Variants in CNTN5 observed in about 807,000 individuals in gnomAD.
The protein encoded by CNTN5 is contactin-5.
In CNTN5, 77 loss-of-function variants were observed where a neutral mutation model predicts 129.1. The observed-to-expected ratio is 0.60, with a 90% CI of 0.50 to 0.72. The LOEUF is 0.72. Ranked by LOEUF, CNTN5 falls within the 30% of genes least tolerant of loss-of-function variation. The probability of loss-of-function intolerance (pLI) is 0.00; values close to 1 mark genes in which losing one functional copy is unlikely to be tolerated. For synonymous variants in CNTN5, 509 were observed against 465.6 expected (o/e 1.09, Z -1.20); for missense variants, 1,478 against 1,328.8 (o/e 1.11, Z -1.75).
At chr11:99,432,398 G>T (rs929232423) in intron 2 of CNTN5, among the ~76,000 whole-genome samples, 1 of 150,358 alleles carries the variant, frequency 6.7e-6, no homozygotes, top group Non-Finnish European at 1.5e-5. Flanking sequence ...GATTTAACCA[G>T]AGTTGGGGCT....
chr11:99,384,222 G>A (rs755511222), intron 2 of CNTN5, among the ~76,000 whole-genome samples: 2 of 152,170 alleles, frequency 1.3e-5, no homozygotes, highest in Non-Finnish European at 2.9e-5. Flanking sequence ...TTGTACGGCC[G>A]TAAAGCTGTG....
intron 1 of CNTN5, among the ~76,000 whole-genome samples, chr11:99,102,816 G>A (rs574439546): frequency 6.6e-6 from 1 of 152,208 alleles, no homozygotes; most frequent in African/African-American, 2.4e-5. Context: ...CAGTTCCAAA[G>A]TTGCTTCTAC....
intron 24 of CNTN5, among the ~76,000 whole-genome samples, chr11:100,351,383 G>A (rs1020718932): frequency 1.5e-4 from 22 of 150,930 alleles, no homozygotes; most frequent in Admixed American, 6.0e-4. Context: ...TATATGTCAG[G>A]CATGGTCAAA....
intron 20 of CNTN5, among the ~76,000 whole-genome samples, chr11:100,300,108 G>T (rs571796609): frequency 6.6e-6 from 1 of 151,570 alleles, no homozygotes; most frequent in Admixed American, 6.6e-5. Flanking sequence ...TAGGTAGGCA[G>T]TACCGAGTAG....
At chr11:99,291,992 G>A (rs1385337909) in intron 1 of CNTN5, among the ~76,000 whole-genome samples, 1 of 152,020 alleles carries the variant, frequency 6.6e-6, no homozygotes, top group Non-Finnish European at 1.5e-5. Flanking sequence ...AATATTTGAT[G>A]TAACAAAGTT....
intron 3 of CNTN5, among the ~76,000 whole-genome samples, chr11:99,709,927 T>C (rs1385056335): frequency 6.6e-6 from 1 of 151,914 alleles, no homozygotes; most frequent in Non-Finnish European, 1.5e-5. Flanking sequence ...TTATTTGGTG[T>C]TTGAGTTTAT....
intron 7 of CNTN5, among the ~76,000 whole-genome samples, chr11:99,926,144 C>T (rs898411605): frequency 6.6e-6 from 1 of 152,130 alleles, no homozygotes; most frequent in African/African-American, 2.4e-5. Flanking sequence ...TCTTGATAAT[C>T]TGTCTTCAAA....
At chr11:99,290,598 A>G (rs1382630794) in intron 1 of CNTN5, among the ~76,000 whole-genome samples, 2 of 151,884 alleles carry the variant, frequency 1.3e-5, no homozygotes, top group Admixed American at 1.3e-4. Context: ...CAGGTAGGGA[A>G]GAAGTGCATT....
At chr11:100,159,499 A>G (rs1030198342) in intron 13 of CNTN5, among the ~76,000 whole-genome samples, 1 of 151,858 alleles carries the variant, frequency 6.6e-6, no homozygotes, top group Non-Finnish European at 1.5e-5. Context: ...AAAAAAAATG[A>G]TCATTGCAAT....
chr11:99,413,559 C>A (rs1591645062), intron 2 of CNTN5, among the ~76,000 whole-genome samples: 1 of 151,974 alleles, frequency 6.6e-6, no homozygotes, highest in East Asian at 1.9e-4. Context: ...GCAGAGGTTG[C>A]AGTGAGCTGA....
intron 3 of CNTN5, among the ~76,000 whole-genome samples, chr11:99,799,852 T>G (rs1318401318): frequency 6.6e-6 from 1 of 152,136 alleles, no homozygotes; most frequent in African/African-American, 2.4e-5. Flanking sequence ...TCTTGTGGAA[T>G]TTGGCTGTGA....
At chr11:100,220,293 A>G (rs1299585847) in intron 15 of CNTN5, among the ~76,000 whole-genome samples, 1 of 152,014 alleles carries the variant, frequency 6.6e-6, no homozygotes, top group African/African-American at 2.4e-5. Context: ...AAAAAAAAAA[A>G]ATTATCCTCT....
intron 1 of CNTN5, among the ~76,000 whole-genome samples, chr11:99,207,591 G>C (rs77071262): frequency 1.3e-5 from 2 of 152,044 alleles, no homozygotes; most frequent in African/African-American, 4.8e-5. Flanking sequence ...TTAACTTTAT[G>C]TTTTATAGTA....
At chr11:99,221,868 G>T (rs979027370) in intron 1 of CNTN5, among the ~76,000 whole-genome samples, 1 of 151,850 alleles carries the variant, frequency 6.6e-6, no homozygotes, top group African/African-American at 2.4e-5. Context: ...TACAGCACAA[G>T]ATTCACATTT....
At chr11:99,938,340 T>G (rs1222390656) in intron 7 of CNTN5, among the ~76,000 whole-genome samples, 1 of 152,160 alleles carries the variant, frequency 6.6e-6, no homozygotes, top group Non-Finnish European at 1.5e-5. Context: ...ACAATAATAT[T>G]ATTGCAAATA....
At chr11:99,399,204 C>T (rs1416886526) in intron 2 of CNTN5, among the ~76,000 whole-genome samples, 2 of 150,762 alleles carry the variant, frequency 1.3e-5, no homozygotes, top group African/African-American at 4.9e-5. Context: ...AATACATATA[C>T]TTATTCATAT....
At chr11:99,784,273 A>G (rs187382781) in intron 3 of CNTN5, among the ~76,000 whole-genome samples, 4 of 152,106 alleles carry the variant, frequency 2.6e-5, no homozygotes, top group East Asian at 2.0e-4. Context: ...TACATTAGGT[A>G]TTTCTCCTAA....
intron 1 of CNTN5, among the ~76,000 whole-genome samples, chr11:99,035,706 G>A (rs1231995605): frequency 6.6e-6 from 1 of 151,362 alleles, no homozygotes; most frequent in Non-Finnish European, 1.5e-5. Flanking sequence ...CACACTGATG[G>A]GTCTTGACTC....
At chr11:100,126,415 G>A (rs1366057482) in intron 13 of CNTN5, among the ~76,000 whole-genome samples, 2 of 152,230 alleles carry the variant, frequency 1.3e-5, no homozygotes, top group East Asian at 1.9e-4. Flanking sequence ...GTGTGGCCAT[G>A]TGAGGCTTTT....
Sources: allele counts gnomAD v4.1 joint callset (sites outside exome capture counted in the v4.1 genomes callset), GRCh38; gene constraint gnomAD v4.1.1; transcripts MANE v1.5; gene names NCBI Gene and HGNC (gene_info 2026-07-23, HGNC 2026-07-21).